Variants in LAMA2 observed in about 807,000 individuals in gnomAD.
LAMA2 encodes the protein laminin subunit alpha 2, also known as laminin subunit alpha-2.
In LAMA2, 269 loss-of-function variants were observed where a neutral mutation model predicts 364.8. The observed-to-expected ratio is 0.74, with a 90% CI of 0.67 to 0.82. The LOEUF is 0.82. Among genes scored for constraint, LAMA2 ranks in the 40% least tolerant of loss-of-function variants. LAMA2 has a pLI of 0.00. For missense variants in LAMA2, 3,807 were observed against 3,873.2 expected, an observed-to-expected ratio of 0.98 and a Z score of 0.45; for synonymous variants, 1,379 against 1,370.6, an observed-to-expected ratio of 1.01 and a Z score of -0.14.
chr6:129,263,309 A>G (rs906670486), intron 15 of LAMA2, among the ~76,000 whole-genome samples: 2 of 152,202 alleles, frequency 1.3e-5, no homozygotes, highest in African/African-American at 2.4e-5. Flanking sequence ...GAAAGCAAAT[A>G]GAAATAAACG....
chr6:128,926,502 A>G (rs1779108401), intron 1 of LAMA2, among the ~76,000 whole-genome samples: 2 of 152,208 alleles, frequency 1.3e-5, no homozygotes, highest in Non-Finnish European at 2.9e-5. Context: ...AAATTTTTAA[A>G]ACTCTAATGC....
chr6:129,020,628 A>T (rs73588886), intron 1 of LAMA2, among the ~76,000 whole-genome samples: 3,713 of 152,240 alleles, frequency 0.024, 141 homozygotes, highest in African/African-American at 0.086. Context: ...AGAACACGTG[A>T]AAAGGTGTCC....
chr6:128,982,816 G>A (rs1258729415), intron 1 of LAMA2, among the ~76,000 whole-genome samples: 9 of 134,558 alleles, frequency 6.7e-5, no homozygotes, highest in Non-Finnish European at 9.1e-5. Flanking sequence ...TTGTGTCCAT[G>A]TGTTCTCATT....
intron 53 of LAMA2, among the ~76,000 whole-genome samples, chr6:129,476,999 A>C (rs1784097894): frequency 6.7e-6 from 1 of 149,652 alleles, no homozygotes; most frequent in African/African-American, 2.4e-5. Flanking sequence ...TTTCATTAAG[A>C]TAAAAAAAGG....
In LAMA2 at chr6:129,514,452, G is replaced by A. The variant is rs1352024692; in HGVS notation, c.9068G>A (p.Gly3023Glu). The change falls in exon 64 of 65, where the codon GGA becomes GAA. Residue 3023 changes from glycine to glutamate, a missense_variant. Gly to Glu is a moderately conservative substitution (Grantham distance 98, BLOSUM62 -2). Coordinates refer to ENST00000421865, the MANE Select transcript of LAMA2 (RefSeq NM_000426.4). ...GGGGTTCCAGGGCATTTGTGTGATG[G>A]ACAATGGCATAAAGTCACTGCCAAC... ...DAGVPGHLCD[G>E]QWHKVTANKI... The A allele has an allele frequency of 1.9e-6, 3 of 1,613,852 alleles. No homozygotes were observed. The highest frequency in any genetic ancestry group is 2.7e-5 in the African/African-American group (2 of 74,898).
At chr6:128,907,573 T>A (rs1777573987) in intron 1 of LAMA2, among the ~76,000 whole-genome samples, 1 of 152,220 alleles carries the variant, frequency 6.6e-6, no homozygotes. Context: ...AATCATGTCG[T>A]CTGCAAAGAG....
At chr6:129,075,086 A>G (rs535663778) in intron 3 of LAMA2, among the ~76,000 whole-genome samples, 2 of 152,328 alleles carry the variant, frequency 1.3e-5, no homozygotes, top group South Asian at 4.1e-4. Flanking sequence ...AAAAAAAAGC[A>G]TAAGATTATA....
intron 3 of LAMA2, among the ~76,000 whole-genome samples, chr6:129,067,052 A>T (rs929487780): frequency 2.6e-5 from 4 of 152,244 alleles, no homozygotes; most frequent in African/African-American, 9.6e-5. Context: ...GAAACACAAT[A>T]AAACATAGAC....
intron 58 of LAMA2, among the ~76,000 whole-genome samples, chr6:129,494,795 G>T (rs1403115077): frequency 2.0e-5 from 3 of 152,158 alleles, no homozygotes; most frequent in Non-Finnish European, 4.4e-5. Context: ...TTAGATCTTT[G>T]CTTAGCAAAG....
chr6:129,362,188 A>G (rs1333333812), intron 32 of LAMA2, among the ~76,000 whole-genome samples: 3 of 152,012 alleles, frequency 2.0e-5, no homozygotes, highest in East Asian at 1.9e-4. Context: ...CTTCCCGTCC[A>G]TCTCTCCCTT....
Position 129,503,179 on chromosome 6 carries a change from G to A in LAMA2, c.8446G>A (p.Val2816Ile). ...CATCAATCATGCTGATTTTGCAACA[G>A]TTCAGCTGAGAAATGGATTGCCCTA... The part of the protein sequence containing the change: ...ARINHADFAT[V>I]QLRNGLPYFS... Residue 2816 changes from valine to isoleucine, a missense_variant, in exon 60 of 65, where the codon GTT becomes ATT. Around this residue, in one of 3 missense-constraint regions of LAMA2, gnomAD observed 3,333 missense variants for 3,345.7 expected, o/e 1.00. Transcript: ENST00000421865. The A allele has an allele frequency of 3.1e-6, 5 of 1,614,138 alleles. No homozygotes were observed. The highest frequency in any genetic ancestry group is 1.1e-5 in the South Asian group (1 of 91,080).
At chr6:129,060,327 C>T (rs10457516) in intron 3 of LAMA2, among the ~76,000 whole-genome samples, 43,369 of 152,130 alleles carry the variant, frequency 0.29, 6,567 homozygotes, top group African/African-American at 0.39. Context: ...TTACTGAGAG[C>T]TGAGAAAGTT....
intron 1 of LAMA2, among the ~76,000 whole-genome samples, chr6:128,894,666 G>A (rs1406632139): frequency 6.6e-6 from 1 of 152,156 alleles, no homozygotes; most frequent in African/African-American, 2.4e-5. Context: ...ATGTACCCAA[G>A]ATTTAATAAA....
chr6:129,104,420 G>A (rs1056626453), intron 4 of LAMA2, among the ~76,000 whole-genome samples: 3 of 152,290 alleles, frequency 2.0e-5, no homozygotes, highest in Non-Finnish European at 4.4e-5. Context: ...AACATTAATA[G>A]GAAATAGTTT....
intron 1 of LAMA2, among the ~76,000 whole-genome samples, chr6:129,010,095 A>G (rs1784671768): frequency 6.6e-6 from 1 of 152,202 alleles, no homozygotes; most frequent in Admixed American, 6.5e-5. Context: ...TGGCAACAAT[A>G]ATAAATCAGA....
At chr6:129,487,662 C>A (rs1321908285) in intron 56 of LAMA2, among the ~76,000 whole-genome samples, 2 of 152,164 alleles carry the variant, frequency 1.3e-5, no homozygotes, top group Admixed American at 6.5e-5. Context: ...ATAAAGATTT[C>A]TTACCTTCTA....
intron 12 of LAMA2, among the ~76,000 whole-genome samples, chr6:129,231,425 C>T (rs898997639): frequency 6.6e-6 from 1 of 151,960 alleles, no homozygotes; most frequent in South Asian, 2.1e-4. Context: ...AATTGTTTTG[C>T]CTGCATTATC....
intron 12 of LAMA2, among the ~76,000 whole-genome samples, chr6:129,227,767 C>A (rs1784408514): frequency 6.6e-6 from 1 of 152,206 alleles, no homozygotes; most frequent in Non-Finnish European, 1.5e-5. Flanking sequence ...TTAGGCTATT[C>A]AGGGCTCAGG....
chr6:129,052,996 C>T (rs894092208), intron 2 of LAMA2, among the ~76,000 whole-genome samples: 3 of 152,168 alleles, frequency 2.0e-5, no homozygotes, highest in Non-Finnish European at 2.9e-5. Flanking sequence ...TATCAGAAAA[C>T]ATGTTAAGAC....
Sources: gnomAD v4.1 joint callset for allele counts (sites outside exome capture counted in the v4.1 genomes callset) on GRCh38, gnomAD v4.1.1 for gene constraint, gnomAD v4.1.1 regional missense constraint, MANE v1.5 for transcripts, NCBI Gene and HGNC (gene_info 2026-07-23, HGNC 2026-07-21) for gene names.